The following ANP32B variants were observed in gnomAD, a reference collection of about 807,000 sequenced individuals.
ANP32B encodes the protein acidic leucine-rich nuclear phosphoprotein 32 family member B.
In ANP32B, 6 loss-of-function variants were observed where a neutral mutation model predicts 32.2. The ratio of observed to expected loss-of-function variants is 0.19; its 90% CI spans 0.10 to 0.37. The LOEUF (loss-of-function observed/expected upper bound fraction) is 0.37, where lower values mean the gene tolerates loss of function less well. Among genes scored for constraint, ANP32B ranks in the 10% least tolerant of loss-of-function variants. The pLI, the probability that ANP32B is intolerant of heterozygous loss-of-function variation, is 1.00. For missense variants in ANP32B, 204 were observed against 289.2 expected, an observed-to-expected ratio of 0.71 and a Z score of 2.14; for synonymous variants, 98 against 105.8, an observed-to-expected ratio of 0.93 and a Z score of 0.45.
chr9:97,993,969 AAG>A (rs1827868265), intron 1 of ANP32B, among the ~76,000 whole-genome samples: 1 of 152,178 alleles, frequency 6.6e-6, no homozygotes, highest in Non-Finnish European at 1.5e-5. Context: ...AATTCTGAAA[AAG>A]AGACTGTGTA....
At chr9:97,998,960 A>G (rs1163069600) in intron 3 of ANP32B, among the ~76,000 whole-genome samples, 1 of 71,632 alleles carries the variant, frequency 1.4e-5, no homozygotes, top group Non-Finnish European at 2.5e-5. Context: ...GGCGCCCGCC[A>G]CTACGCCCGG....
At chr9:97,991,928 A>C (rs1025010213) in intron 1 of ANP32B, among the ~76,000 whole-genome samples, 7 of 152,212 alleles carry the variant, frequency 4.6e-5, no homozygotes, top group Non-Finnish European at 8.8e-5. Flanking sequence ...TTTTCATCTT[A>C]GTCCCCCACA....
intron 4 of ANP32B, 129 bp downstream of exon 4, chr9:98,005,282 G>A: frequency 8.8e-6 from 7 of 793,864 alleles, no homozygotes; most frequent in Non-Finnish European, 1.4e-5. Context: ...CGAGGCAGGG[G>A]GCATTGCTTG....
intron 1 of ANP32B, among the ~76,000 whole-genome samples, chr9:97,989,150 C>G (rs1827784799): frequency 6.6e-6 from 1 of 152,158 alleles, no homozygotes. Context: ...CTCATCATAA[C>G]TTAAAGAAGG....
chr9:98,007,875 A>C (rs1828113448), intron 4 of ANP32B, among the ~76,000 whole-genome samples: 1 of 152,220 alleles, frequency 6.6e-6, no homozygotes, highest in African/African-American at 2.4e-5. Flanking sequence ...CTTCTCTTAC[A>C]CAGAGAAGCG....
chr9:97,990,967 A>G lies in ANP32B; in HGVS notation c.55-3664A>G, dbSNP rs926441482. 1.3e-5 allele frequency among the ~76,000 whole-genome samples: 2 copies of G among 151,760 alleles called. 1 individual carries two copies. The highest frequency in any genetic ancestry group is 4.8e-5 in the African/African-American group (2 of 41,294). ...CCCGAGTAGCTGGGACTACAGGTGC[A>G]CACCACCATGCCCGGCACATTTTTT... On this transcript the variant is annotated intron_variant, in intron 1 of 6. Transcript: ENST00000339399.
chr9:98,004,344 G>A (rs550848769), intron 3 of ANP32B, among the ~76,000 whole-genome samples: 2 of 152,282 alleles, frequency 1.3e-5, no homozygotes, highest in East Asian at 1.9e-4. Context: ...AAAGAAGAGT[G>A]CAATGTTTCT....
rs1827629786 is a variant in ANP32B, at chr9:97,983,447, C to T, written c.-109C>T. 3.8e-6 allele frequency: 4 copies of T among 1,056,294 alleles called. No homozygotes were observed. The Admixed American group carries it at 6.6e-5, about 17-fold the overall frequency. The allele number at this position is 1,056,294 out of a possible 1,614,324, so 65.4% of individuals were successfully genotyped here. A position where few individuals can be genotyped will look rare whatever the true frequency, so the allele number is the denominator to read the frequency against. ...CACCCAGGACCGCGCCGCCGGCCTC[C>T]GCCGCTAGCAAACCCTTCCGACGGC... On this transcript the variant is annotated 5_prime_UTR_variant, in exon 1 of 7. Coordinates refer to ENST00000339399, the MANE Select transcript of ANP32B (RefSeq NM_006401.3).
intron 3 of ANP32B, 130 bp from the exon 4 acceptor site, chr9:98,004,834 T>A (rs902732863): frequency 3.2e-6 from 2 of 620,764 alleles, no homozygotes; most frequent in Non-Finnish European, 5.3e-6. Flanking sequence ...TTGATGTATT[T>A]TTCTATATAT....
rs562869984 is a variant in ANP32B at position 97,992,080 on chromosome 9, G to A, written c.55-2551G>A. 4.6e-5 allele frequency among the ~76,000 whole-genome samples: 7 copies of A among 152,198 alleles called. No individual in the cohort carries two copies. The South Asian group carries it at 1.2e-3, about 27-fold the overall frequency. The stretch of plus-strand genomic sequence containing the variant: ...TCCTGTCATCATGAAGCTTAGTCTA[G>A]CGGTGACTTTTTTTTTCTTTTTCTT... On this transcript the variant is annotated intron_variant, in intron 1 of 6. Coordinates refer to ENST00000339399, the MANE Select transcript of ANP32B (RefSeq NM_006401.3).
At position 98,005,031 on chromosome 9, in the gene ANP32B, G is replaced by A. The variant is rs1828054505; in HGVS notation, c.395G>A (p.Arg132Gln). ...NCEVTNLNDYRESVFKLLPQL... is the reference protein window; with the variant it reads ...NCEVTNLNDYQESVFKLLPQL... ...GAGGTTACCAACCTGAATGACTACC[G>A]AGAGAGTGTCTTCAAGCTCCTGCCC... The change falls in exon 4 of 7, where the codon CGA (arginine) becomes CAA (glutamine). Residue 132 changes from arginine (R) to glutamine (Q), a missense_variant. Coordinates refer to ENST00000339399, the MANE Select transcript of ANP32B (RefSeq NM_006401.3). 1 of 1,614,072 alleles carries A rather than the reference G, an allele frequency of 6.2e-7. No homozygotes were observed. The highest frequency in any genetic ancestry group is 1.1e-5 in the South Asian group (1 of 91,072).
intron 3 of ANP32B, among the ~76,000 whole-genome samples, chr9:98,004,356 C>T (rs540045772): frequency 6.6e-6 from 1 of 152,236 alleles, no homozygotes; most frequent in African/African-American, 2.4e-5. Context: ...AATGTTTCTC[C>T]GTATTTCCGA....
At chr9:98,009,121 T>C (rs868108061) in intron 4 of ANP32B, among the ~76,000 whole-genome samples, 50 of 152,358 alleles carry the variant, frequency 3.3e-4, no homozygotes, top group Middle Eastern at 6.8e-3. Flanking sequence ...GGTAATGATT[T>C]CAAATAACTA....
In ANP32B at chr9:98,011,141, G is replaced by A. The variant is rs1047432561; in HGVS notation, c.518-130G>A. 1.1e-4 allele frequency: 153 copies of A among 1,351,308 alleles called. 1 individual carries two copies. Among genetic ancestry groups the A allele is most frequent in the Non-Finnish European group, 1.4e-4 (143 of 1,012,854 alleles). The allele number at this position is 1,351,308 out of a possible 1,614,324, so 83.7% of individuals were successfully genotyped here. On this transcript the variant is annotated intron_variant, in intron 4 of 6. Transcript: ENST00000339399. ...CAAAGGGACTGAGCTGTAGCACATA[G>A]TAGAAAGAAAGTGACTGCAGTTCGT...
At chr9:98,008,697 C>T (rs1490622813) in intron 4 of ANP32B, among the ~76,000 whole-genome samples, 1 of 152,172 alleles carries the variant, frequency 6.6e-6, no homozygotes, top group African/African-American at 2.4e-5. Context: ...AAGCAGCACA[C>T]ACTTCGAATG....
At chr9:98,007,263 T>A (rs1193968876) in intron 4 of ANP32B, among the ~76,000 whole-genome samples, 1 of 152,234 alleles carries the variant, frequency 6.6e-6, no homozygotes, top group Non-Finnish European at 1.5e-5. Context: ...TGCCTGCTGC[T>A]AAGGACATTT....
At chr9:98,013,605 A>G (rs1192306098) in intron 6 of ANP32B, among the ~76,000 whole-genome samples, 2 of 152,198 alleles carry the variant, frequency 1.3e-5, no homozygotes, top group African/African-American at 2.4e-5. Flanking sequence ...AGAAAATTAA[A>G]AAGTTAGCTG....
intron 6 of ANP32B, among the ~76,000 whole-genome samples, chr9:98,013,620 CG>C: frequency 6.6e-6 from 1 of 152,132 alleles, no homozygotes; most frequent in East Asian, 1.9e-4. Context: ...TAGCTGGGAC[CG>C]GGTGTGGTGA....
intron 1 of ANP32B, chr9:97,984,747 CCGCGGCCGCCGCCGACTCATCCCGT>C (rs906426286): frequency 6.7e-6 from 1 of 150,216 alleles, no homozygotes; most frequent in African/African-American, 2.4e-5. Context: ...GAGCCGCGCG[CCGCGGCCGCCGCCGACTCATCCCGT>C]CGCGGGCGCG....
Sources: gnomAD v4.1 joint callset for allele counts (sites outside exome capture counted in the v4.1 genomes callset) on GRCh38, gnomAD v4.1.1 for gene constraint, MANE v1.5 for transcripts, NCBI Gene and HGNC (gene_info 2026-07-23, HGNC 2026-07-21) for gene names.